Variants in IL1RAPL1 observed in about 807,000 individuals in gnomAD.
The protein encoded by IL1RAPL1 is interleukin-1 receptor accessory protein-like 1.
Under a neutral mutation model 48.4 loss-of-function variants are expected in IL1RAPL1, and 3 were observed. The observed-to-expected ratio is 0.06, with a 90% confidence interval of 0.03 to 0.16. IL1RAPL1 has a LOEUF of 0.16. Ranked by LOEUF, IL1RAPL1 falls within the 10% of genes least tolerant of loss-of-function variation. The probability of loss-of-function intolerance (pLI) is 1.00; values close to 1 mark genes in which losing one functional copy is unlikely to be tolerated. For missense variants in IL1RAPL1, 349 were observed against 530.6 expected (o/e 0.66, Z 3.36); for synonymous variants, 185 against 187.7 (o/e 0.99, Z 0.12).
chrX:28,616,637 T>A (rs774132852), intron 1 of IL1RAPL1, among the ~76,000 whole-genome samples: 1 of 111,262 alleles, frequency 9.0e-6, no homozygotes, highest in South Asian at 3.8e-4. Flanking sequence ...TTTCACCATC[T>A]TGGCCAGGCT....
intron 5 of IL1RAPL1, among the ~76,000 whole-genome samples, chrX:29,652,509 G>C (rs987263392): frequency 1.8e-5 from 2 of 111,638 alleles, no homozygotes; most frequent in African/African-American, 3.3e-5. Context: ...TTCCAAGAAA[G>C]TGGTAAATTG....
At chrX:29,500,350 T>C in intron 5 of IL1RAPL1, among the ~76,000 whole-genome samples, 1 of 112,263 alleles carries the variant, frequency 8.9e-6, no homozygotes, top group Non-Finnish European at 1.9e-5. Flanking sequence ...CCCTACTGAT[T>C]TATCAAACAC....
chrX:29,514,518 G>A (rs752433547), intron 5 of IL1RAPL1, among the ~76,000 whole-genome samples: 2 of 112,387 alleles, frequency 1.8e-5, no homozygotes, highest in African/African-American at 6.5e-5. Context: ...GCACTATCTC[G>A]GCTCACTGCA....
intron 1 of IL1RAPL1, among the ~76,000 whole-genome samples, chrX:28,601,474 C>T (rs1163379930): frequency 1.8e-5 from 2 of 110,882 alleles, no homozygotes; most frequent in African/African-American, 6.6e-5. Context: ...CTCTCAACTA[C>T]CAAAAAATTA....
At chrX:28,872,933 C>T (rs1456880900) in intron 2 of IL1RAPL1, among the ~76,000 whole-genome samples, 1 of 110,942 alleles carries the variant, frequency 9.0e-6, no homozygotes, top group African/African-American at 3.3e-5. Context: ...CATTTTCCTT[C>T]TCTTATTAGC....
chrX:29,083,731 A>G (rs1450815270), intron 2 of IL1RAPL1, among the ~76,000 whole-genome samples: 3 of 112,104 alleles, frequency 2.7e-5, no homozygotes, highest in Non-Finnish European at 5.6e-5. Flanking sequence ...TTAGTTTAGT[A>G]ATGGGATAAT....
intron 2 of IL1RAPL1, among the ~76,000 whole-genome samples, chrX:29,061,997 T>G (rs1927352634): frequency 8.9e-6 from 1 of 112,475 alleles, no homozygotes; most frequent in Non-Finnish European, 1.9e-5. Context: ...TTTAGCTATT[T>G]AATATCAGGA....
chrX:28,730,812 A>C (rs979616079), intron 1 of IL1RAPL1, among the ~76,000 whole-genome samples: 1 of 112,096 alleles, frequency 8.9e-6, no homozygotes, highest in African/African-American at 3.2e-5. Flanking sequence ...CCTATGACCA[A>C]TAGTTTTAAT....
intron 3 of IL1RAPL1, among the ~76,000 whole-genome samples, chrX:29,348,427 G>T (rs913029550): frequency 8.9e-6 from 1 of 112,142 alleles, no homozygotes; most frequent in East Asian, 2.8e-4. Context: ...GTAACTTTTG[G>T]ATCATATCTG....
At chrX:28,852,455 A>G (rs754882544) in intron 2 of IL1RAPL1, among the ~76,000 whole-genome samples, 7 of 110,799 alleles carry the variant, frequency 6.3e-5, no homozygotes, top group Non-Finnish European at 1.3e-4. Context: ...GTCTCACAGC[A>G]GCTTTGATTC....
chrX:28,621,374 C>T (rs756018575), intron 1 of IL1RAPL1, among the ~76,000 whole-genome samples: 11 of 111,265 alleles, frequency 9.9e-5, no homozygotes, highest in African/African-American at 1.6e-4. Context: ...AAATTTCAGT[C>T]GCTCTTTGGA....
intron 6 of IL1RAPL1, among the ~76,000 whole-genome samples, chrX:29,754,185 C>T (rs1928557736): frequency 9.0e-6 from 1 of 111,721 alleles, no homozygotes; most frequent in East Asian, 2.8e-4. Flanking sequence ...TCTTGACCTT[C>T]AGGCCCATAT....
intron 5 of IL1RAPL1, among the ~76,000 whole-genome samples, chrX:29,660,940 TATTA>T (rs1487932970): frequency 3.6e-5 from 4 of 112,270 alleles, no homozygotes; most frequent in Non-Finnish European, 3.8e-5. Context: ...ATTTTAATGA[TATTA>T]ATTCTTCCAA....
At chrX:28,897,293 G>A (rs781777439) in intron 2 of IL1RAPL1, among the ~76,000 whole-genome samples, 1 of 111,540 alleles carries the variant, frequency 9.0e-6, no homozygotes, top group Non-Finnish European at 1.9e-5. Context: ...GTCCCTGCGT[G>A]GCCAGAGACC....
At chrX:28,932,753 AG>A (rs1167483568) in intron 2 of IL1RAPL1, among the ~76,000 whole-genome samples, 20 of 55,432 alleles carry the variant, frequency 3.6e-4, no homozygotes, top group Admixed American at 7.0e-4. Flanking sequence ...CAGGTAAAGT[AG>A]AAAAAAAAAA....
intron 6 of IL1RAPL1, among the ~76,000 whole-genome samples, chrX:29,770,592 G>A (rs952502594): frequency 1.8e-5 from 2 of 111,883 alleles, no homozygotes; most frequent in Middle Eastern, 4.6e-3. Context: ...AGGAAATAAA[G>A]GCACATAGAG....
intron 2 of IL1RAPL1, among the ~76,000 whole-genome samples, chrX:29,020,581 T>C (rs1926340955): frequency 8.9e-6 from 1 of 111,894 alleles, no homozygotes; most frequent in Non-Finnish European, 1.9e-5. Context: ...TCAGAGCATA[T>C]CCTCATCGTT....
chrX:28,717,074 C>T lies in IL1RAPL1; in HGVS notation c.-24-72246C>T, dbSNP rs141969574. ...TGGGAGTGTAAATTAGTTCAGCCAT[C>T]GTGGAAGAGTGTGACAATTCCTCAA... On this transcript the variant is annotated intron_variant, in intron 1 of 10. Coordinates refer to ENST00000378993, the MANE Select transcript of IL1RAPL1 (RefSeq NM_014271.4). Among the ~76,000 whole-genome samples the T allele has an allele frequency of 3.5e-3, 391 of 111,686 alleles. 1 individual carries two copies. The highest frequency in any genetic ancestry group is 0.012 in the African/African-American group (365 of 30,804).
At chrX:28,856,622 A>G (rs1053785293) in intron 2 of IL1RAPL1, among the ~76,000 whole-genome samples, 2 of 111,256 alleles carry the variant, frequency 1.8e-5, no homozygotes, top group East Asian at 5.7e-4. Context: ...TATGTCTGTC[A>G]TGGTGATCTG....
Sources: gnomAD v4.1 joint callset for allele counts (sites outside exome capture counted in the v4.1 genomes callset) on GRCh38, gnomAD v4.1.1 for gene constraint, MANE v1.5 for transcripts, NCBI Gene and HGNC (gene_info 2026-07-23, HGNC 2026-07-21) for gene names.